Variants in ROS1 observed in about 807,000 individuals in gnomAD.
The protein encoded by ROS1 is proto-oncogene tyrosine-protein kinase ROS.
ROS1 carries 263 observed loss-of-function variants against 273.5 expected under a neutral mutation model. That is an observed-to-expected ratio of 0.96 (90% confidence interval 0.87 to 1.06). ROS1 has a LOEUF of 1.06. ROS1 is among the 50% of genes least tolerant of loss of function. The pLI, the probability that ROS1 is intolerant of heterozygous loss-of-function variation, is 0.00. For missense variants in ROS1, 2,833 were observed against 2,751.1 expected (o/e 1.03, Z -0.67); for synonymous variants, 1,008 against 954.1 (o/e 1.06, Z -1.04).
At chr6:117,392,283 T>C (rs980849655) in intron 12 of ROS1, among the ~76,000 whole-genome samples, 11 of 152,206 alleles carry the variant, frequency 7.2e-5, no homozygotes, top group African/African-American at 2.7e-4. Flanking sequence ...AGCTTGATTT[T>C]AAAATCTATA....
At chr6:117,404,132 A>T in intron 6 of ROS1, 148 bp downstream of exon 6, 1 of 697,622 alleles carries the variant, frequency 1.4e-6, no homozygotes. Context: ...GAGGCAGGAG[A>T]ATGGTGTGAA....
At chr6:117,366,006 T>C (rs1245503237) in intron 19 of ROS1, 70 bp downstream of exon 19, 3 of 1,292,198 alleles carry the variant, frequency 2.3e-6, no homozygotes, top group Non-Finnish European at 3.3e-6. Flanking sequence ...GAAAAAAAAA[T>C]ATCCCAACCT....
chr6:117,365,554 T>C, intron 20 of ROS1, 27 bp downstream of exon 20: 1 of 1,598,460 alleles, frequency 6.3e-7, no homozygotes, highest in Non-Finnish European at 8.6e-7. Context: ...GTTTGGGAAA[T>C]GAAAGTTACT....
intron 37 of ROS1, among the ~76,000 whole-genome samples, chr6:117,318,871 A>C (rs1776093175): frequency 6.6e-6 from 1 of 152,172 alleles, no homozygotes; most frequent in Non-Finnish European, 1.5e-5. Context: ...ACAATGAGGC[A>C]GCAAGCATGA....
At chr6:117,297,302 A>G (rs542858) in intron 43 of ROS1, among the ~76,000 whole-genome samples, 118,139 of 152,090 alleles carry the variant, frequency 0.78, 46,103 homozygotes, top group Non-Finnish European at 0.81. Flanking sequence ...CTGGATATTG[A>G]TCTAGGCAAA....
chr6:117,379,196 C>T (rs774277033), intron 17 of ROS1, 37 bp from the exon 18 acceptor site: 40 of 1,304,980 alleles, frequency 3.1e-5, no homozygotes, highest in Non-Finnish European at 4.2e-5. Flanking sequence ...AAACCAAATA[C>T]ATGTTTGAAG....
rs138000736 is a variant in ROS1 at position 117,320,456 on chromosome 6, C to G, written c.5760-426G>C. Reference sequence around the variant, plus strand: ...CACACATGTGACATCTTACGTAAAACAAAATTTACTATGACCAAAAAAATC... The same window carrying G: ...CACACATGTGACATCTTACGTAAAAGAAAATTTACTATGACCAAAAAAATC... On this transcript the variant is annotated intron_variant, in intron 36 of 43. Transcript: ENST00000368507. 5.1e-3 allele frequency among the ~76,000 whole-genome samples: 783 copies of G among 152,154 alleles called. 21 individuals are homozygous for G. The highest frequency in any genetic ancestry group is 0.032 in the East Asian group (166 of 5,168).
rs1232097218 is a variant in ROS1, at chr6:117,321,298, G to C, written c.5720C>G (p.Ala1907Gly). 1.2e-6 allele frequency: 2 copies of C among 1,613,818 alleles called. No homozygotes were observed. The highest frequency in any genetic ancestry group is 2.2e-5 in the South Asian group (2 of 91,068). ...DKELAELRGL[A>G]AGVGLANACY... ...GGCATTAGCCAGGCCTACTCCGGCT[G>C]CCAGACCTCGCAGCTCAGCCAACTC... The change falls in exon 36 of 44, where the codon GCA (alanine) becomes GGA (glycine). Residue 1907 changes from alanine (A) to glycine (G), a missense_variant. Ala to Gly is a moderately conservative substitution (Grantham distance 60). Coordinates refer to ENST00000368507, the MANE Select transcript of ROS1 (RefSeq NM_001378902.1).
At chr6:117,381,156 A>G (rs1156686380) in intron 17 of ROS1, among the ~76,000 whole-genome samples, 2 of 151,492 alleles carry the variant, frequency 1.3e-5, no homozygotes, top group African/African-American at 4.8e-5. Context: ...AGCACTTGAC[A>G]ACCTGGGAGA....
At chr6:117,319,708 A>AT (rs973931045) in intron 37 of ROS1, among the ~76,000 whole-genome samples, 160 bp downstream of exon 37, 1 of 152,074 alleles carries the variant, frequency 6.6e-6, no homozygotes, top group Admixed American at 6.6e-5. Flanking sequence ...GTAGGAAATG[A>AT]TTTTTTTTAA....
intron 32 of ROS1, among the ~76,000 whole-genome samples, chr6:117,334,255 A>G (rs1405663526): frequency 6.6e-6 from 1 of 152,176 alleles, no homozygotes; most frequent in African/African-American, 2.4e-5. Context: ...ATAGCTACAA[A>G]GAGAATAAAA....
At chr6:117,406,437 T>A (rs959632340) in intron 5 of ROS1, among the ~76,000 whole-genome samples, 1 of 152,168 alleles carries the variant, frequency 6.6e-6, no homozygotes, top group Non-Finnish European at 1.5e-5. Flanking sequence ...ATATGGTCTT[T>A]AAGTACAAAT....
intron 18 of ROS1, among the ~76,000 whole-genome samples, chr6:117,377,565 T>A (rs1480824749): frequency 2.6e-5 from 4 of 152,044 alleles, no homozygotes; most frequent in African/African-American, 9.7e-5. Flanking sequence ...AAATTTACGA[T>A]GAATTATAGA....
intron 5 of ROS1, among the ~76,000 whole-genome samples, chr6:117,406,086 A>C (rs1347130826): frequency 1.3e-5 from 2 of 152,128 alleles, no homozygotes; most frequent in Non-Finnish European, 2.9e-5. Context: ...TTGAGGTTAC[A>C]GTGAGCTGTG....
At chr6:117,412,112 G>A (rs9401007) in intron 4 of ROS1, among the ~76,000 whole-genome samples, 81,374 of 151,804 alleles carry the variant, frequency 0.54, 22,513 homozygotes, top group African/African-American at 0.67. Flanking sequence ...AAAGGTCAGT[G>A]TGGCCAGCAC....
chr6:117,308,749 CAT>C, intron 42 of ROS1, 43 bp downstream of exon 42: 1 of 1,593,460 alleles, frequency 6.3e-7, no homozygotes, highest in East Asian at 2.2e-5. Flanking sequence ...TGTATGTGCA[CAT>C]GTTTTTGTTT....
rs2128704322 is a variant in ROS1 at position 117,389,486 on chromosome 6, C to T, written c.1650G>A (p.Gly550=). 12 of 1,614,180 alleles carry T rather than the reference C, an allele frequency of 7.4e-6. No individual in the cohort carries two copies. Among genetic ancestry groups the T allele is most frequent in the South Asian group, 1.1e-5 (1 of 91,086 alleles). The change falls in exon 13 of 44, where the codon GGG becomes GGA. Residue 550 remains glycine (G), a synonymous_variant. Transcript: ENST00000368507. ...GCDLSHIEEF[G]FGNLVIFGSS... Reference sequence around the variant, plus strand: ...AGCCAAAGATGACCAAGTTACCAAACCCAAATTCTTCTATGTGACTCAGGT... The same window carrying T: ...AGCCAAAGATGACCAAGTTACCAAATCCAAATTCTTCTATGTGACTCAGGT...
At chr6:117,289,418 A>G (rs1481337645) in intron 43 of ROS1, among the ~76,000 whole-genome samples, 4 of 152,220 alleles carry the variant, frequency 2.6e-5, no homozygotes, top group Non-Finnish European at 4.4e-5. Context: ...ATGAACTTCA[A>G]TTGAAATATG....
chr6:117,421,843 T>C (rs1775785258), intron 1 of ROS1, among the ~76,000 whole-genome samples: 1 of 152,192 alleles, frequency 6.6e-6, no homozygotes. Flanking sequence ...TTTAAGTTTC[T>C]AAGTAGTCAA....
Sources: gnomAD v4.1 joint callset for allele counts (sites outside exome capture counted in the v4.1 genomes callset) on GRCh38, gnomAD v4.1.1 for gene constraint, MANE v1.5 for transcripts, NCBI Gene and HGNC (gene_info 2026-07-23, HGNC 2026-07-21) for gene names.